Variants in EPM2A observed in about 807,000 individuals in gnomAD.
The protein encoded by EPM2A is EPM2A glucan phosphatase, laforin.
A neutral mutation model predicts 26.5 loss-of-function variants in EPM2A; 21 were observed. The ratio of observed to expected loss-of-function variants is 0.79; its 90% CI spans 0.56 to 1.14. The LOEUF (loss-of-function observed/expected upper bound fraction) is 1.14. EPM2A is among the 50% of genes most tolerant of loss of function. The pLI, the probability that EPM2A is intolerant of heterozygous loss-of-function variation, is 0.00. For missense variants in EPM2A, 458 were observed against 440.8 expected (o/e 1.04, Z -0.35); for synonymous variants, 217 against 177.6 (o/e 1.22, Z -1.76).
downstream of EPM2A, among the ~76,000 whole-genome samples, chr6:145,624,107 T>C (rs1775694297): frequency 6.6e-6 from 1 of 152,182 alleles, no homozygotes; most frequent in African/African-American, 2.4e-5. Flanking sequence ...CAGTCTCATC[T>C]TCTATCAGTT....
intron 4 of EPM2A, among the ~76,000 whole-genome samples, chr6:145,438,469 A>ATTTTTT (rs68038397): frequency 8.5e-6 from 1 of 117,210 alleles, no homozygotes; most frequent in Non-Finnish European, 1.7e-5. Context: ...GAAGGGAATA[A>ATTTTTT]TTTTTTTTTT....
chr6:145,727,883 T>C (rs929467588), intron 1 of EPM2A, among the ~76,000 whole-genome samples: 2 of 152,178 alleles, frequency 1.3e-5, no homozygotes, highest in Non-Finnish European at 2.9e-5. Context: ...CTCCGAACAG[T>C]AATCCCCAAT....
At chr6:145,451,229 T>C (rs1779191743) in intron 4 of EPM2A, among the ~76,000 whole-genome samples, 1 of 152,220 alleles carries the variant, frequency 6.6e-6, no homozygotes, top group Non-Finnish European at 1.5e-5. Flanking sequence ...TTTTTGAACA[T>C]TGCATAATGA....
intron 2 of EPM2A, among the ~76,000 whole-genome samples, chr6:145,675,747 A>G: frequency 6.6e-6 from 1 of 152,314 alleles, no homozygotes; most frequent in African/African-American, 2.4e-5. Context: ...TTAAATATAT[A>G]TGCACCCAAT....
At chr6:145,726,595 TTGATA>T (rs1776218182) in intron 1 of EPM2A, among the ~76,000 whole-genome samples, 1 of 152,120 alleles carries the variant, frequency 6.6e-6, no homozygotes, top group Non-Finnish European at 1.5e-5. Flanking sequence ...GTATAGATCC[TTGATA>T]TGATGTAATA....
intron 3 of EPM2A, 200 bp from the exon 4 acceptor site, chr6:145,627,893 C>T (rs1278683293): frequency 4.4e-6 from 3 of 677,924 alleles, no homozygotes; most frequent in Non-Finnish European, 7.4e-6. Flanking sequence ...AAGAGCATTC[C>T]AGAGGCCAGA....
chr6:145,543,981 A>G (rs943558665), intron 2 of EPM2A, among the ~76,000 whole-genome samples: 1 of 152,246 alleles, frequency 6.6e-6, no homozygotes, highest in African/African-American at 2.4e-5. Context: ...ACAATTAGCT[A>G]TAATTAATCT....
chr6:145,451,167 C>T (rs1276499534), intron 4 of EPM2A, among the ~76,000 whole-genome samples: 1 of 152,120 alleles, frequency 6.6e-6, no homozygotes, highest in Non-Finnish European at 1.5e-5. Context: ...CACAGTTGTC[C>T]AATACATAAA....
At chr6:145,570,390 C>A (rs1431274197) in intron 2 of EPM2A, among the ~76,000 whole-genome samples, 1 of 152,090 alleles carries the variant, frequency 6.6e-6, no homozygotes, top group African/African-American at 2.4e-5. Flanking sequence ...CTCACCAATC[C>A]CCAACCCAAA....
chr6:145,432,706 G>A (rs77567184), intron 4 of EPM2A, among the ~76,000 whole-genome samples: 6,822 of 152,186 alleles, frequency 0.045, 212 homozygotes, highest in Admixed American at 0.06. Flanking sequence ...AGCCATGTTA[G>A]CTCCTCACAA....
rs1261291652 is a variant in EPM2A, at chr6:145,490,776, G to A, written c.555+11746C>T. Reference sequence around the variant, plus strand: ...AAGGTTGTCACATGTGACAACTGACGTTCCACAGTTTCGATACTTTCTACC... The same window carrying A: ...AAGGTTGTCACATGTGACAACTGACATTCCACAGTTTCGATACTTTCTACC... On this transcript the variant is annotated intron_variant, in intron 4 of 4. Transcript: ENST00000638717. The A allele has an allele frequency of 2.5e-5, 14 of 563,548 alleles. No homozygotes were observed. In the Middle Eastern group the frequency reaches 8.6e-4, roughly 35 times the overall value. 34.9% of individuals were successfully genotyped at this position (563,548 alleles called of 1,614,324 possible).
At chr6:145,636,190 A>T (rs1316493336) in intron 2 of EPM2A, 1 of 152,356 alleles carries the variant, frequency 6.6e-6, no homozygotes, top group Admixed American at 6.5e-5. Flanking sequence ...CAAGAACCCA[A>T]GGAGAAAAAA....
At position 145,591,246 on chromosome 6, in the gene EPM2A, A is replaced by G. The variant is rs1781269723; in HGVS notation, c.340+43999T>C. ...TATAACATAGACATATTTGGAATAC[A>G]GGAAGGAGAAGAAAGGCAAAATAAA... On this transcript the variant is annotated intron_variant, in intron 2 of 3. Coordinates refer to the EPM2A transcript ENST00000450221. Among the ~76,000 whole-genome samples, 3 of 152,128 alleles carry G rather than the reference A, an allele frequency of 2.0e-5. 1 individual carries two copies. The South Asian group carries it at 6.2e-4, about 32-fold the overall frequency.
At chr6:145,480,504 A>G (rs1369549696) in intron 4 of EPM2A, among the ~76,000 whole-genome samples, 2 of 152,100 alleles carry the variant, frequency 1.3e-5, no homozygotes, top group African/African-American at 4.8e-5. Flanking sequence ...TATCTTGAAT[A>G]TTAATTCCCT....
chr6:145,631,522 T>G (rs1776249859), intron 3 of EPM2A: 1 of 152,126 alleles, frequency 6.6e-6, no homozygotes, highest in Admixed American at 6.5e-5. Context: ...AGATGCTCCA[T>G]ACACACTCAT....
At chr6:145,496,732 T>C (rs1329590162), downstream of EPM2A, among the ~76,000 whole-genome samples, 2 of 121,526 alleles carry the variant, frequency 1.6e-5, 1 homozygote, top group Non-Finnish European at 3.8e-5. Context: ...CCTGCAATTT[T>C]TTTTTTTTTT....
At chr6:145,587,202 A>C (rs1455497423) in intron 2 of EPM2A, among the ~76,000 whole-genome samples, 2 of 152,220 alleles carry the variant, frequency 1.3e-5, no homozygotes, top group African/African-American at 4.8e-5. Flanking sequence ...GAACATAAAA[A>C]CAGGCAAATT....
At chr6:145,395,216 A>G (rs981932189) in intron 4 of EPM2A, among the ~76,000 whole-genome samples, 2 of 152,098 alleles carry the variant, frequency 1.3e-5, no homozygotes, top group Non-Finnish European at 1.5e-5. Context: ...CACAACCTCT[A>G]TATGCTTTAC....
intron 2 of EPM2A, among the ~76,000 whole-genome samples, chr6:145,556,554 T>C (rs1780730355): frequency 6.6e-6 from 1 of 152,094 alleles, no homozygotes; most frequent in Non-Finnish European, 1.5e-5. Context: ...GAAACACTTA[T>C]AAACATAAAG....
Sources: gnomAD v4.1 joint callset for allele counts (sites outside exome capture counted in the v4.1 genomes callset) on GRCh38, gnomAD v4.1.1 for gene constraint, MANE v1.5 for transcripts, NCBI Gene and HGNC (gene_info 2026-07-23, HGNC 2026-07-21) for gene names.